ATP10A: variants seen among roughly 807,000 people sequenced by gnomAD.
ATP10A encodes the protein ATPase phospholipid transporting 10A (putative), also known as phospholipid-transporting ATPase VA.
In ATP10A, 111 loss-of-function variants were observed where a neutral mutation model predicts 147.8. The observed-to-expected ratio is 0.75, with a 90% confidence interval of 0.64 to 0.88. ATP10A has a LOEUF of 0.88. Ranked by LOEUF, ATP10A falls within the 40% of genes least tolerant of loss-of-function variation. The pLI, the probability that ATP10A is intolerant of heterozygous loss-of-function variation, is 0.00. For synonymous variants in ATP10A, 875 were observed against 841.6 expected (o/e 1.04, Z -0.69); for missense variants, 1,927 against 1,959.0 (o/e 0.98, Z 0.31).
intron 1 of ATP10A, among the ~76,000 whole-genome samples, chr15:25,827,320 T>C (rs140202002): frequency 6.6e-6 from 1 of 152,162 alleles, no homozygotes; most frequent in Non-Finnish European, 1.5e-5. Flanking sequence ...CTTGAATAGA[T>C]CAGAAGAAAT....
intron 2 of ATP10A, among the ~76,000 whole-genome samples, chr15:25,778,265 T>G (rs1449745727): frequency 6.6e-6 from 1 of 152,352 alleles, no homozygotes; most frequent in South Asian, 2.1e-4. Flanking sequence ...GTACAGATTA[T>G]TACCAGTTCT....
chr15:25,862,707 G>C lies in ATP10A; in HGVS notation c.390C>G (p.Asp130Glu). The C allele has an allele frequency of 6.2e-7, 1 of 1,610,534 alleles. No homozygotes were observed. The highest frequency in any genetic ancestry group is 8.5e-7 in the Non-Finnish European group (1 of 1,178,182). Residue 130 changes from aspartate to glutamate, a missense_variant, in exon 1 of 21, where the codon GAC becomes GAG. Physicochemically the swap from Asp to Glu is conservative, Grantham distance 45 (BLOSUM62 2). Transcript: ENST00000555815. ...AITAFRDLWE[D>E]YSRHRSDHKI... ...TGTGGTCGGAGCGGTGGCGGCTGTA[G>C]TCCTCCCACAGGTCCCTGAAGGCCG...
chr15:25,820,644 G>GA (rs1182872973), intron 1 of ATP10A, among the ~76,000 whole-genome samples: 3 of 152,060 alleles, frequency 2.0e-5, no homozygotes, highest in African/African-American at 4.8e-5. Flanking sequence ...AGTGGTCTGG[G>GA]AAAAAATGTT....
At chr15:25,855,175 CACAT>C (rs1248049427) in intron 1 of ATP10A, among the ~76,000 whole-genome samples, 4 of 151,964 alleles carry the variant, frequency 2.6e-5, no homozygotes, top group African/African-American at 9.7e-5. Context: ...GACAAAGACA[CACAT>C]ACGGCCCCCA....
chr15:25,857,872 C>T (rs1893583983), intron 1 of ATP10A, among the ~76,000 whole-genome samples: 1 of 152,064 alleles, frequency 6.6e-6, no homozygotes, highest in South Asian at 2.1e-4. Context: ...GTCTTGAAGC[C>T]TCAGTTTCCT....
chr15:25,708,311 G>A lies in ATP10A; in HGVS notation c.2345-11C>T. ...TCCCTCTGGCGTCAACTAGGTTGGA[G>A]AATAAGCAGAAACATGGGTAAGAAC... On this transcript the variant is annotated splice_polypyrimidine_tract_variant and intron_variant, in intron 10 of 20. Coordinates refer to ENST00000555815, the MANE Select transcript of ATP10A (RefSeq NM_024490.4). The A allele has an allele frequency of 1.2e-6, 2 of 1,609,754 alleles. No individual in the cohort carries two copies. Among genetic ancestry groups the A allele is most frequent in the Non-Finnish European group, 1.7e-6 (2 of 1,176,000 alleles).
intron 1 of ATP10A, among the ~76,000 whole-genome samples, chr15:25,799,440 C>A (rs1316186481): frequency 1.3e-5 from 2 of 152,116 alleles, no homozygotes; most frequent in African/African-American, 4.8e-5. Context: ...GGTGGGCAGC[C>A]CGGCCCAAGC....
At chr15:25,793,510 T>C (rs1890529377) in intron 1 of ATP10A, among the ~76,000 whole-genome samples, 1 of 152,186 alleles carries the variant, frequency 6.6e-6, no homozygotes, top group African/African-American at 2.4e-5. Context: ...CCCTGAGTGA[T>C]TATAAGTAGT....
At chr15:25,773,723 T>C (rs1390913803) in intron 2 of ATP10A, among the ~76,000 whole-genome samples, 1 of 152,104 alleles carries the variant, frequency 6.6e-6, no homozygotes, top group Non-Finnish European at 1.5e-5. Context: ...GCTTTCTTCT[T>C]TGGAACATAC....
chr15:25,787,363 C>T (rs4906774), intron 1 of ATP10A, among the ~76,000 whole-genome samples: 64,404 of 151,828 alleles, frequency 0.42, 13,778 homozygotes, highest in East Asian at 0.6. Flanking sequence ...TCTGTAATCC[C>T]AGCACTTTGG....
At chr15:25,749,561 C>T (rs796287212) in intron 2 of ATP10A, among the ~76,000 whole-genome samples, 2 of 152,248 alleles carry the variant, frequency 1.3e-5, no homozygotes, top group Admixed American at 6.5e-5. Context: ...CTGGGCACAA[C>T]TCAAGAATAT....
intron 1 of ATP10A, among the ~76,000 whole-genome samples, chr15:25,803,922 A>C (rs540535005): frequency 6.6e-6 from 1 of 152,304 alleles, no homozygotes; most frequent in African/African-American, 2.4e-5. Context: ...CCCAAGACAC[A>C]TGTGTGTGAG....
chr15:25,849,340 G>A (rs1038822765), intron 1 of ATP10A, among the ~76,000 whole-genome samples: 5 of 152,266 alleles, frequency 3.3e-5, no homozygotes, highest in Non-Finnish European at 4.4e-5. Flanking sequence ...CTGTCCCTCC[G>A]GAGGCAGCAA....
chr15:25,743,111 A>G (rs1191825621), intron 2 of ATP10A, among the ~76,000 whole-genome samples: 2 of 152,118 alleles, frequency 1.3e-5, no homozygotes, highest in Non-Finnish European at 2.9e-5. Context: ...AATAAAAGGG[A>G]CCCTAAAGGC....
intron 1 of ATP10A, among the ~76,000 whole-genome samples, chr15:25,850,917 G>C (rs906437089): frequency 6.6e-6 from 1 of 152,148 alleles, no homozygotes; most frequent in African/African-American, 2.4e-5. Flanking sequence ...CAAATGTGCG[G>C]TGACAGCCTG....
At chr15:25,815,578 T>G (rs543389152) in intron 1 of ATP10A, among the ~76,000 whole-genome samples, 3 of 10,122 alleles carry the variant, frequency 3.0e-4, no homozygotes, top group Non-Finnish European at 8.4e-4. Flanking sequence ...TGCAGAATCC[T>G]AAAGAGCAAA....
chr15:25,821,401 A>AC (rs1054823833), intron 1 of ATP10A, among the ~76,000 whole-genome samples: 50 of 128,224 alleles, frequency 3.9e-4, no homozygotes, highest in African/African-American at 1.7e-3. Context: ...AAAAAAAACA[A>AC]AAAAAAAAAC....
At chr15:25,682,712 AACTC>A (rs1320053053) in intron 17 of ATP10A, among the ~76,000 whole-genome samples, 1 of 152,230 alleles carries the variant, frequency 6.6e-6, no homozygotes, top group African/African-American at 2.4e-5. Context: ...AGGGGAAGTT[AACTC>A]ATCAGTGAAT....
At chr15:25,745,637 C>G (rs186936110) in intron 2 of ATP10A, among the ~76,000 whole-genome samples, 1 of 152,074 alleles carries the variant, frequency 6.6e-6, no homozygotes, top group Non-Finnish European at 1.5e-5. Flanking sequence ...GCAACAAAAA[C>G]GGTAAATAAG....
Sources: allele counts gnomAD v4.1 joint callset (sites outside exome capture counted in the v4.1 genomes callset), GRCh38; gene constraint gnomAD v4.1.1; transcripts MANE v1.5; gene names NCBI Gene and HGNC (gene_info 2026-07-23, HGNC 2026-07-21).